The following PXT1 variants were observed in gnomAD, a reference collection of about 807,000 sequenced individuals.
The protein encoded by PXT1 is peroxisomal testis enriched protein 1, also known as peroxisomal testis-specific protein 1.
In PXT1, 11 loss-of-function variants were observed where a neutral mutation model predicts 11.0. The ratio of observed to expected loss-of-function variants is 1.00; its 90% CI spans 0.63 to 1.66. The LOEUF (loss-of-function observed/expected upper bound fraction) is 1.66, where lower values mean the gene tolerates loss of function less well. Among genes scored for constraint, PXT1 ranks in the 40% most tolerant of loss-of-function variants. PXT1 has a pLI of 0.00. For synonymous variants in PXT1, 43 were observed against 51.4 expected, an observed-to-expected ratio of 0.84 and a Z score of 0.70; for missense variants, 141 against 155.5, an observed-to-expected ratio of 0.91 and a Z score of 0.49.
chr6:36,398,518 C>T (rs1005448468), intron 4 of PXT1, among the ~76,000 whole-genome samples: 4 of 152,234 alleles, frequency 2.6e-5, no homozygotes, highest in East Asian at 1.9e-4. Flanking sequence ...TGTGGTATAT[C>T]GTACAATAGA....
At chr6:36,398,549 G>A (rs1273771082) in intron 4 of PXT1, among the ~76,000 whole-genome samples, 2 of 152,154 alleles carry the variant, frequency 1.3e-5, no homozygotes, top group African/African-American at 2.4e-5. Context: ...GTAAAAAGAA[G>A]TAAAATACTG....
chr6:36,406,017 C>A (rs6457912), intron 3 of PXT1, among the ~76,000 whole-genome samples: 38,915 of 152,106 alleles, frequency 0.26, 5,019 homozygotes, highest in East Asian at 0.39. Flanking sequence ...CAGAACCTGT[C>A]CCCATCATTG....
chr6:36,440,960 C>T (rs941356570), intron 1 of PXT1, among the ~76,000 whole-genome samples: 12 of 151,932 alleles, frequency 7.9e-5, no homozygotes, highest in African/African-American at 2.9e-4. Context: ...AACTTCAGGC[C>T]AGATTTTTGT....
At chr6:36,432,338 A>G (rs891537400) in intron 2 of PXT1, among the ~76,000 whole-genome samples, 1 of 152,076 alleles carries the variant, frequency 6.6e-6, no homozygotes, top group African/African-American at 2.4e-5. Context: ...TAAAAACAGA[A>G]CTTTCAATTC....
chr6:36,428,305 C>T (rs755549067), intron 2 of PXT1, among the ~76,000 whole-genome samples: 3 of 151,816 alleles, frequency 2.0e-5, no homozygotes, highest in South Asian at 2.1e-4. Flanking sequence ...ATTAGCCAGG[C>T]GTGATGGCAC....
At chr6:36,395,007 CA>C (rs1185346259) in intron 4 of PXT1, among the ~76,000 whole-genome samples, 1 of 150,940 alleles carries the variant, frequency 6.6e-6, no homozygotes, top group African/African-American at 2.4e-5. Flanking sequence ...GGATCTCAAA[CA>C]AAAAAAAGAG....
At chr6:36,427,249 C>G (rs1162765748) in intron 2 of PXT1, among the ~76,000 whole-genome samples, 1 of 152,120 alleles carries the variant, frequency 6.6e-6, no homozygotes, top group Non-Finnish European at 1.5e-5. Context: ...GATCTGCCCT[C>G]CTCAGCCTCC....
intron 3 of PXT1, among the ~76,000 whole-genome samples, chr6:36,417,870 G>A (rs560297466): frequency 3.9e-5 from 6 of 152,064 alleles, no homozygotes; most frequent in Non-Finnish European, 8.8e-5. Flanking sequence ...TCTGAATTCT[G>A]GCTGCACAAG....
At chr6:36,406,747 G>A (rs1774297299) in intron 3 of PXT1, among the ~76,000 whole-genome samples, 1 of 151,656 alleles carries the variant, frequency 6.6e-6, no homozygotes, top group African/African-American at 2.4e-5. Context: ...GGAGGTAGAG[G>A]TCGCAGTGGG....
At chr6:36,405,567 G>A (rs1582252723) in intron 3 of PXT1, among the ~76,000 whole-genome samples, 1 of 152,030 alleles carries the variant, frequency 6.6e-6, no homozygotes, top group African/African-American at 2.4e-5. Context: ...TAGTAGAGAC[G>A]AGGTTTCACC....
intron 3 of PXT1, among the ~76,000 whole-genome samples, chr6:36,404,938 C>T (rs1049306173): frequency 1.3e-5 from 2 of 152,110 alleles, no homozygotes; most frequent in African/African-American, 4.8e-5. Flanking sequence ...GCCTGGGCAA[C>T]AGAGTGAGAC....
intron 3 of PXT1, among the ~76,000 whole-genome samples, chr6:36,423,688 A>G (rs1774559346): frequency 6.6e-6 from 1 of 151,804 alleles, no homozygotes; most frequent in Non-Finnish European, 1.5e-5. Context: ...TCATTTCTTC[A>G]GTGGTATCAT....
intron 3 of PXT1, among the ~76,000 whole-genome samples, chr6:36,420,591 A>C (rs1325898857): frequency 6.6e-6 from 1 of 152,236 alleles, no homozygotes; most frequent in Non-Finnish European, 1.5e-5. Context: ...ATGGGGGACA[A>C]GAATGAAAGA....
chr6:36,417,513 G>A (rs894607809), intron 3 of PXT1, among the ~76,000 whole-genome samples: 8 of 150,252 alleles, frequency 5.3e-5, no homozygotes, highest in Non-Finnish European at 7.4e-5. Flanking sequence ...CCAGCACTTC[G>A]AGAGGCAGTG....
intron 2 of PXT1, among the ~76,000 whole-genome samples, chr6:36,429,495 CT>C (rs1354588612): frequency 2.5e-5 from 3 of 120,976 alleles, no homozygotes; most frequent in East Asian, 2.5e-4. Flanking sequence ...TTTCTTTTTT[CT>C]TTTTTTCTTT....
intron 2 of PXT1, among the ~76,000 whole-genome samples, chr6:36,432,224 T>G (rs1250398811): frequency 6.6e-6 from 1 of 152,046 alleles, no homozygotes; most frequent in African/African-American, 2.4e-5. Context: ...GGAATTAGCC[T>G]GGAGGGAGGA....
At chr6:36,403,672 A>G (rs1246545157) in intron 3 of PXT1, among the ~76,000 whole-genome samples, 1 of 152,150 alleles carries the variant, frequency 6.6e-6, no homozygotes, top group Non-Finnish European at 1.5e-5. Flanking sequence ...TCAGGAGACC[A>G]CTCTGGGCAA....
At chr6:36,406,805 C>T (rs1317483030) in intron 3 of PXT1, among the ~76,000 whole-genome samples, 1 of 79,596 alleles carries the variant, frequency 1.3e-5, no homozygotes, top group Non-Finnish European at 3.0e-5. Context: ...AGTGAGACTC[C>T]ATTTCAAAAA....
Position 36,391,811 on chromosome 6 carries a change from GAACTCTTCTA to G in PXT1, c.354_363del (p.Arg120CysfsTer76). ...TTCCAGAAAAAATGCAGCAACACCTGAACTCTTCTAAAGAAAAAGAAGACAAAATGATCTA... is the reference window on the plus strand; with the variant it reads ...TTCCAGAAAAAATGCAGCAACACCTGAAGAAAAAGAAGACAAAATGATCTA... On this transcript the variant is annotated frameshift_variant, in exon 5 of 5. Coordinates refer to ENST00000454782, the MANE Select transcript of PXT1 (RefSeq NM_152990.4). LOFTEE classifies it high-confidence loss of function. 6.2e-7 allele frequency: 1 copy of G among 1,613,530 alleles called. No individual in the cohort carries two copies. The highest frequency in any genetic ancestry group is 1.1e-5 in the South Asian group (1 of 91,064).
Sources: gnomAD v4.1 joint callset for allele counts (sites outside exome capture counted in the v4.1 genomes callset) on GRCh38, gnomAD v4.1.1 for gene constraint, MANE v1.5 for transcripts, NCBI Gene and HGNC (gene_info 2026-07-23, HGNC 2026-07-21) for gene names.